PRDM15: variants seen among roughly 807,000 people sequenced by gnomAD.
PRDM15 encodes the protein PR domain zinc finger protein 15.
Under a neutral mutation model 128.6 loss-of-function variants are expected in PRDM15, and 64 were observed. The observed-to-expected ratio is 0.50, with a 90% confidence interval of 0.41 to 0.61. The LOEUF is 0.61. PRDM15 is among the 20% of genes least tolerant of loss of function. The pLI, the probability that PRDM15 is intolerant of heterozygous loss-of-function variation, is 0.00. For synonymous variants in PRDM15, 615 were observed against 621.8 expected, an observed-to-expected ratio of 0.99 and a Z score of 0.16; for missense variants, 1,242 against 1,569.1, an observed-to-expected ratio of 0.79 and a Z score of 3.52.
intron 13 of PRDM15, among the ~76,000 whole-genome samples, chr21:41,825,013 G>A (rs1160597242): frequency 6.6e-6 from 1 of 152,176 alleles, no homozygotes; most frequent in Non-Finnish European, 1.5e-5. Context: ...TGTGTGGCTG[G>A]GGCACCCTCC....
Position 41,810,853 on chromosome 21 carries a change from A to C in PRDM15, c.2393-17T>G. The stretch of plus-strand genomic sequence containing the variant: ...CTTTAATCCCTGCAGAGAAAGGCGC[A>C]CATAACTTCCTACGTTTAATGAGTG... On this transcript the variant is annotated splice_polypyrimidine_tract_variant and intron_variant, in intron 19 of 23. Coordinates refer to ENST00000398548, the MANE Select transcript of PRDM15 (RefSeq NM_001040424.3). The surrounding 1 kb of genome is among the most constrained non-coding windows in gnomAD (Gnocchi z 6.4). 1 of 1,612,100 alleles carries C rather than the reference A, an allele frequency of 6.2e-7. No homozygotes were observed. Among genetic ancestry groups the C allele is most frequent in the Non-Finnish European group, 8.5e-7 (1 of 1,178,274 alleles).
rs546890788 is a variant in PRDM15 at position 41,801,285 on chromosome 21, G to A, written c.3381C>T (p.Pro1127=). ...GCTGCTGCTGCTCCGCCTGCACCTG[G>A]GGCTGGGCCGCCTGCTGTGGGGGTG... The part of the protein sequence containing the change: ...PQAPPQQAAQ[P]QVQAEQQQQQ... Residue 1127 remains proline (P), a synonymous_variant, in exon 24 of 24, where the codon CCC becomes CCT. Coordinates refer to ENST00000398548, the MANE Select transcript of PRDM15 (RefSeq NM_001040424.3). 1.3e-6 allele frequency: 2 copies of A among 1,554,998 alleles called. No homozygotes were observed. The highest frequency in any genetic ancestry group is 2.3e-5 in the East Asian group (1 of 44,386).
chr21:41,860,132 C>T (rs1414461865), intron 2 of PRDM15, among the ~76,000 whole-genome samples, 195 bp downstream of exon 2: 1 of 152,188 alleles, frequency 6.6e-6, no homozygotes, highest in Non-Finnish European at 1.5e-5. Flanking sequence ...AAAGGTGATC[C>T]TATTAAAACC....
intron 18 of PRDM15, among the ~76,000 whole-genome samples, chr21:41,817,323 T>C (rs2062087856): frequency 6.6e-6 from 1 of 152,196 alleles, no homozygotes; most frequent in South Asian, 2.1e-4. Context: ...AGTAAGTTCT[T>C]GTAGATCATT....
At chr21:41,867,444 T>A in intron 1 of PRDM15, 1 of 1,213,500 alleles carries the variant, frequency 8.2e-7, no homozygotes. Context: ...GAAACATACA[T>A]GTTGAAGAGA....
At chr21:41,809,136 C>A (rs1000776416) in intron 21 of PRDM15, among the ~76,000 whole-genome samples, 2 of 152,236 alleles carry the variant, frequency 1.3e-5, no homozygotes, top group Non-Finnish European at 2.9e-5. Flanking sequence ...CCGTGTACAC[C>A]CTGAGTGCGC....
At chr21:41,839,266 G>C (rs2062993644) in intron 7 of PRDM15, among the ~76,000 whole-genome samples, 1 of 152,198 alleles carries the variant, frequency 6.6e-6, no homozygotes, top group African/African-American at 2.4e-5. Flanking sequence ...GAGGCAGACA[G>C]AGTCCATTCG....
rs1169567692 is a variant in PRDM15, at chr21:41,799,779, G to A, written c.*1461C>T. On this transcript the variant is annotated 3_prime_UTR_variant, in exon 24 of 24. Coordinates refer to ENST00000398548, the MANE Select transcript of PRDM15 (RefSeq NM_001040424.3). ...GACTCCCAGTGAGTGCAGGATCTGG[G>A]ATAACTGGCAAAGCAGGACACCTTA... 1 of 152,644 alleles carries A rather than the reference G, an allele frequency of 6.6e-6. No homozygotes were observed. The highest frequency in any genetic ancestry group is 6.5e-5 in the Admixed American group (1 of 15,290). 9.5% of individuals were successfully genotyped at this position (152,644 alleles called of 1,614,324 possible). A position where few individuals can be genotyped will look rare whatever the true frequency, so the allele number is the denominator to read the frequency against.
intron 6 of PRDM15, among the ~76,000 whole-genome samples, chr21:41,844,254 T>C (rs1325962398): frequency 6.6e-6 from 1 of 152,082 alleles, no homozygotes. Context: ...CCGTCTGTCA[T>C]GTGGCTCTGG....
At chr21:41,843,005 A>C (rs2063120460) in intron 6 of PRDM15, among the ~76,000 whole-genome samples, 1 of 151,408 alleles carries the variant, frequency 6.6e-6, no homozygotes, top group South Asian at 2.1e-4. Flanking sequence ...GGCTGGTCTC[A>C]AACTCCTGAC....
intron 1 of PRDM15, chr21:41,874,861 T>C (rs2064354475): frequency 6.6e-6 from 1 of 152,042 alleles, no homozygotes; most frequent in African/African-American, 2.4e-5. Context: ...AATAAAAGCA[T>C]CCTCTCTGAG....
intron 5 of PRDM15, among the ~76,000 whole-genome samples, chr21:41,853,169 T>C (rs889831482): frequency 2.0e-5 from 3 of 152,182 alleles, no homozygotes; most frequent in Non-Finnish European, 4.4e-5. Context: ...TGGTGTTTTA[T>C]GGGGGCAGCG....
At position 41,836,460 on chromosome 21, in the gene PRDM15, G is replaced by T. The variant is rs372216126; in HGVS notation, c.1183+8C>A. On this transcript the variant is annotated splice_region_variant and intron_variant, in intron 9 of 23. Coordinates refer to ENST00000398548, the MANE Select transcript of PRDM15 (RefSeq NM_001040424.3). ...GCCCCGGGCGCCAGCCGGGCCTCGC[G>T]GACTCACCATGCGAGCGCACGTGCC... The T allele has an allele frequency of 6.2e-7, 1 of 1,604,490 alleles. No homozygotes were observed. The highest frequency in any genetic ancestry group is 1.1e-5 in the South Asian group (1 of 90,804).
At position 41,821,690 on chromosome 21, in the gene PRDM15, C is replaced by T. The variant is rs965788805; in HGVS notation, c.1896+213G>A. On this transcript the variant is annotated intron_variant, in intron 15 of 23. Coordinates refer to ENST00000398548, the MANE Select transcript of PRDM15 (RefSeq NM_001040424.3). The surrounding 1 kb of genome is among the most constrained non-coding windows in gnomAD (Gnocchi z 5.4). ...GGGCGCCTGTGAGACCCACACAGAC[C>T]GTCCCTGAGCACCAAGGTGACACAG... Among the ~76,000 whole-genome samples the T allele has an allele frequency of 3.3e-5, 5 of 152,334 alleles. No individual in the cohort carries two copies. Among genetic ancestry groups the T allele is most frequent in the East Asian group, 1.9e-4 (1 of 5,186 alleles).
chr21:41,862,997 C>T lies in PRDM15; in HGVS notation c.-9-2625G>A, dbSNP rs374738803. ...CAGCCTGGCCGACATGGTGAAACCC[C>T]ATCTCTACTAAAAATACAAAAACTA... On this transcript the variant is annotated intron_variant, in intron 1 of 23. Transcript: ENST00000398548. The surrounding 1 kb of genome is among the most constrained non-coding windows in gnomAD (Gnocchi z 4.1). Among the ~76,000 whole-genome samples, 6 of 152,036 alleles carry T rather than the reference C, an allele frequency of 3.9e-5. No homozygotes were observed. In the South Asian group the frequency reaches 6.3e-4, roughly 16 times the overall value.
intron 22 of PRDM15, among the ~76,000 whole-genome samples, chr21:41,803,995 C>CG (rs1037657578): frequency 1.7e-4 from 24 of 141,530 alleles, no homozygotes; most frequent in African/African-American, 5.0e-4. Context: ...GACACAGTCT[C>CG]GCTCTGTTGC....
chr21:41,853,835 C>T (rs1295207844), intron 5 of PRDM15, among the ~76,000 whole-genome samples: 5 of 152,206 alleles, frequency 3.3e-5, no homozygotes, highest in Non-Finnish European at 5.9e-5. Context: ...GGCCATTGCA[C>T]GGTGAGCAGC....
rs2061388902 is a variant in PRDM15 at position 41,800,431 on chromosome 21, A to C, written c.*809T>G. 6.6e-6 allele frequency: 1 copy of C among 152,550 alleles called. No individual in the cohort carries two copies. 9.4% of individuals were successfully genotyped at this position (152,550 alleles called of 1,614,324 possible). ...GTCCTACAGTGCACATGACTTTATCATGTTAACATAAAACTAAAACACAAT... is the reference window on the plus strand; with the variant it reads ...GTCCTACAGTGCACATGACTTTATCCTGTTAACATAAAACTAAAACACAAT... On this transcript the variant is annotated 3_prime_UTR_variant, in exon 24 of 24. Coordinates refer to ENST00000398548, the MANE Select transcript of PRDM15 (RefSeq NM_001040424.3).
chr21:41,859,764 T>G lies in PRDM15; in HGVS notation c.38-79A>C. 8.4e-7 allele frequency: 1 copy of G among 1,184,450 alleles called. No individual in the cohort carries two copies. Among genetic ancestry groups the G allele is most frequent in the Admixed American group, 2.0e-5 (1 of 51,022 alleles). The allele number at this position is 1,184,450 out of a possible 1,614,324, so 73.4% of individuals were successfully genotyped here. ...ACACAAACCTGGGAAATGGGGACCCTGGCCCCATGAGGGTGACCCAGAGTC... is the reference window on the plus strand; with the variant it reads ...ACACAAACCTGGGAAATGGGGACCCGGGCCCCATGAGGGTGACCCAGAGTC... On this transcript the variant is annotated intron_variant, in intron 2 of 23. Coordinates refer to ENST00000398548, the MANE Select transcript of PRDM15 (RefSeq NM_001040424.3). The surrounding 1 kb of genome is among the most constrained non-coding windows in gnomAD (Gnocchi z 5.3).
Sources: allele counts gnomAD v4.1 joint callset (sites outside exome capture counted in the v4.1 genomes callset), GRCh38; gene constraint gnomAD v4.1.1; non-coding constraint Gnocchi (gnomAD v3.1); transcripts MANE v1.5; gene names NCBI Gene and HGNC (gene_info 2026-07-23, HGNC 2026-07-21).